Variants in CHI3L2 observed in about 807,000 individuals in gnomAD.
CHI3L2 encodes the protein chitinase 3 like 2.
Under a neutral mutation model 47.3 loss-of-function variants are expected in CHI3L2, and 47 were observed. That is an observed-to-expected ratio of 0.99 (90% CI 0.79 to 1.27). CHI3L2 has a LOEUF of 1.27. Among genes scored for constraint, CHI3L2 ranks in the 50% most tolerant of loss-of-function variants. The pLI is 0.00. For missense variants in CHI3L2, 497 were observed against 462.1 expected, an observed-to-expected ratio of 1.08 and a Z score of -0.69; for synonymous variants, 198 against 169.9, an observed-to-expected ratio of 1.17 and a Z score of -1.28.
At chr1:111,234,844 ATG>A in intron 4 of CHI3L2, 61 bp from the exon 5 acceptor site, 2 of 1,496,304 alleles carry the variant, frequency 1.3e-6, no homozygotes, top group African/African-American at 1.4e-5. Flanking sequence ...TCTGTGAAAA[ATG>A]TGTTACACTA....
Position 111,228,444 on chromosome 1 carries a change from G to A in CHI3L2, c.40+675G>A, listed in dbSNP as rs563442731. 3.9e-5 allele frequency among the ~76,000 whole-genome samples: 6 copies of A among 152,318 alleles called. No homozygotes were observed. The East Asian group carries it at 1.2e-3, about 29-fold the overall frequency. On this transcript the variant is annotated intron_variant, in intron 1 of 10. Transcript: ENST00000369748. ...AGCCCCCACTTGGCAAGAGCCTTTTGGGTTCCCTGTTGAACTTAGCTGAGC... is the reference window on the plus strand; with the variant it reads ...AGCCCCCACTTGGCAAGAGCCTTTTAGGTTCCCTGTTGAACTTAGCTGAGC...
intron 8 of CHI3L2, among the ~76,000 whole-genome samples, 163 bp from the exon 9 acceptor site, chr1:111,241,164 C>T (rs1164378463): frequency 1.3e-5 from 2 of 152,196 alleles, no homozygotes; most frequent in East Asian, 3.8e-4. Flanking sequence ...TTGGAACACC[C>T]ACTTCATATG....
At position 111,227,753 on chromosome 1, in the gene CHI3L2, G is replaced by A. The variant is rs1423369455; in HGVS notation, c.24G>A (p.Gln8=). The part of the protein sequence containing the change: MGATTMD[Q]KSLWAGVVVL... ...ATATGGGAGCAACCACCATGGACCA[G>A]AAGTCTCTCTGGGCAGGTGAGCATG... is the stretch of plus-strand genomic sequence containing the variant. The change falls in exon 1 of 11, where the codon CAG becomes CAA. Residue 8 remains glutamine, a synonymous_variant. Coordinates refer to ENST00000369748, the MANE Select transcript of CHI3L2 (RefSeq NM_004000.3). 4.3e-6 allele frequency: 7 copies of A among 1,614,218 alleles called. No individual in the cohort carries two copies. In the Admixed American group the frequency reaches 5.0e-5, roughly 12 times the overall value.
In CHI3L2 at chr1:111,235,037, C is replaced by A. The variant is rs1367837117; in HGVS notation, c.460C>A (p.His154Asn). The part of the protein sequence containing the change: ...WIYPDQKENT[H>N]FTVLIHELAE... The stretch of plus-strand genomic sequence containing the variant: ...CTACCCAGATCAGAAAGAAAACACT[C>A]ATTTCACTGTGCTGATTCATGTAAG... The change falls in exon 5 of 11, where the codon CAT becomes AAT. Residue 154 changes from histidine (H) to asparagine (N), a missense_variant. By Grantham distance (68) the His-to-Asn change is moderately conservative. Coordinates refer to ENST00000369748, the MANE Select transcript of CHI3L2 (RefSeq NM_004000.3). 6.2e-7 allele frequency: 1 copy of A among 1,613,996 alleles called. No individual in the cohort carries two copies. Among genetic ancestry groups the A allele is most frequent in the Non-Finnish European group, 8.5e-7 (1 of 1,180,022 alleles).
Position 111,235,077 on chromosome 1 carries a change from A to G in CHI3L2, c.480+20A>G, listed in dbSNP as rs377321238. 1.9e-6 allele frequency: 3 copies of G among 1,612,218 alleles called. No individual in the cohort carries two copies. The African/African-American group carries it at 4.0e-5, about 22-fold the overall frequency. ...ATTCATGTAAGTCATGAATCAAGTA[A>G]TTCATGTGAGTCAGATGCCACGGTG... On this transcript the variant is annotated intron_variant, in intron 5 of 10. Coordinates refer to ENST00000369748, the MANE Select transcript of CHI3L2 (RefSeq NM_004000.3).
intron 4 of CHI3L2, among the ~76,000 whole-genome samples, chr1:111,233,584 C>G (rs954006094): frequency 2.0e-5 from 3 of 152,082 alleles, no homozygotes; most frequent in African/African-American, 7.2e-5. Context: ...GTCAGCACCC[C>G]GCCCGGCCAG....
At position 111,229,385 on chromosome 1, in the gene CHI3L2, C is replaced by G. The variant is rs187133447; in HGVS notation, c.41-467C>G. On this transcript the variant is annotated intron_variant, in intron 1 of 10. Transcript: ENST00000369748. ...CCCCAGGGCTGGGGACCTCAAGGTCCTATAAAGAAACCACAGGCCGGGCGC... is the reference window on the plus strand; with the variant it reads ...CCCCAGGGCTGGGGACCTCAAGGTCGTATAAAGAAACCACAGGCCGGGCGC... 1.7e-3 allele frequency among the ~76,000 whole-genome samples: 256 copies of G among 152,164 alleles called. 2 individuals carry two copies. Among genetic ancestry groups the G allele is most frequent in the Non-Finnish European group, 3.0e-3 (203 of 67,988 alleles).
chr1:111,234,872 CT>C (rs1659830238), intron 4 of CHI3L2, 34 bp from the exon 5 acceptor site: 8 of 1,606,650 alleles, frequency 5.0e-6, no homozygotes, highest in Non-Finnish European at 6.0e-6. Flanking sequence ...GTTACTTGTT[CT>C]TTCCAAAAAG....
At chr1:111,237,493 A>G (rs1362408362) in intron 7 of CHI3L2, among the ~76,000 whole-genome samples, 1 of 152,184 alleles carries the variant, frequency 6.6e-6, no homozygotes, top group Non-Finnish European at 1.5e-5. Flanking sequence ...CTTCATATTC[A>G]AAGTCACAAA....
chr1:111,233,792 C>G (rs1240153463), intron 4 of CHI3L2, among the ~76,000 whole-genome samples: 1 of 151,764 alleles, frequency 6.6e-6, no homozygotes, highest in Non-Finnish European at 1.5e-5. Context: ...GGATGGTTGC[C>G]GTGTCTGTGT....
At chr1:111,239,237 T>C (rs528188777) in intron 8 of CHI3L2, 2 of 269,820 alleles carry the variant, frequency 7.4e-6, no homozygotes, top group Admixed American at 5.5e-5. Flanking sequence ...AGCAGCTAAG[T>C]GGATGGCAAT....
At chr1:111,236,440 A>G (rs1423026655) in intron 7 of CHI3L2, among the ~76,000 whole-genome samples, 3 of 149,428 alleles carry the variant, frequency 2.0e-5, no homozygotes, top group Admixed American at 6.6e-5. Context: ...CATCTTTCAT[A>G]CATTTCTTGG....
Position 111,241,352 on chromosome 1 carries a change from A to T in CHI3L2, c.944A>T (p.Lys315Met), listed in dbSNP as rs768693243. Residue 315 changes from lysine (K) to methionine (M), a missense_variant, in exon 9 of 11, where the codon AAG becomes ATG. By Grantham distance (95) the Lys-to-Met change is moderately conservative (BLOSUM62 -1). Coordinates refer to ENST00000369748, the MANE Select transcript of CHI3L2 (RefSeq NM_004000.3). Reference sequence around the variant, plus strand: ...ATCTGCCAGTTCCTGAAAGGAGCCAAGATCACGCGGCTCCAGGATCAGCAG... The same window carrying T: ...ATCTGCCAGTTCCTGAAAGGAGCCATGATCACGCGGCTCCAGGATCAGCAG... ...YEICQFLKGA[K>M]ITRLQDQQVP... The T allele has an allele frequency of 2.5e-6, 4 of 1,597,754 alleles. No homozygotes were observed. The highest frequency in any genetic ancestry group is 3.4e-6 in the Non-Finnish European group (4 of 1,164,798).
In CHI3L2 at chr1:111,241,408, G is replaced by A; in HGVS notation, c.1000G>A (p.Val334Met). 3 of 1,607,504 alleles carry A rather than the reference G, an allele frequency of 1.9e-6. No homozygotes were observed. Among genetic ancestry groups the A allele is most frequent in the Non-Finnish European group, 2.6e-6 (3 of 1,173,902 alleles). ...VPYAVKGNQW[V>M]GYDDVKSMET... is the part of the protein sequence containing the mutation. ...CTACGCAGTCAAGGGGAACCAGTGG[G>A]TGGGCTATGATGATGTGAAGAGTAT... The change falls in exon 9 of 11, where the codon GTG becomes ATG. Residue 334 changes from valine to methionine, a missense_variant. Val to Met is a conservative substitution (Grantham distance 21, BLOSUM62 1). Transcript: ENST00000369748.
chr1:111,234,104 T>A (rs1557708406), intron 4 of CHI3L2, among the ~76,000 whole-genome samples: 2 of 150,278 alleles, frequency 1.3e-5, no homozygotes, highest in African/African-American at 2.4e-5. Flanking sequence ...CTTTGTTCAC[T>A]TGTTTATCTG....
intron 4 of CHI3L2, among the ~76,000 whole-genome samples, chr1:111,233,953 C>T (rs1341185180): frequency 2.6e-5 from 4 of 151,508 alleles, no homozygotes; most frequent in Non-Finnish European, 5.9e-5. Context: ...GGATTAAGGG[C>T]GGTGCAAGAT....
At chr1:111,233,196 G>T (rs1366242448) in intron 4 of CHI3L2, among the ~76,000 whole-genome samples, 2 of 152,162 alleles carry the variant, frequency 1.3e-5, no homozygotes, top group African/African-American at 4.8e-5. Flanking sequence ...AGCCCTTGAG[G>T]AGCTGCTGAT....
chr1:111,239,134 T>C (rs1427677317), intron 8 of CHI3L2, among the ~76,000 whole-genome samples: 1 of 152,134 alleles, frequency 6.6e-6, no homozygotes, highest in Non-Finnish European at 1.5e-5. Flanking sequence ...TAAGCTGGAC[T>C]CTGAAGAGGA....
At chr1:111,235,880 A>T in intron 6 of CHI3L2, 117 bp downstream of exon 6, 2 of 1,539,224 alleles carry the variant, frequency 1.3e-6, no homozygotes, top group Non-Finnish European at 1.8e-6. Context: ...CATTGTCCTA[A>T]CCCTGCATCA....
Sources: allele counts gnomAD v4.1 joint callset (sites outside exome capture counted in the v4.1 genomes callset), GRCh38; gene constraint gnomAD v4.1.1; transcripts MANE v1.5; gene names NCBI Gene and HGNC (gene_info 2026-07-23, HGNC 2026-07-21).